The following ADGRG7 variants were observed in gnomAD, a reference collection of about 807,000 sequenced individuals.
ADGRG7 encodes the protein G-protein coupled receptor 128.
Under a neutral mutation model 88.6 loss-of-function variants are expected in ADGRG7, and 82 were observed. The observed-to-expected ratio is 0.93, with a 90% CI of 0.77 to 1.11. The LOEUF is 1.11. Among genes scored for constraint, ADGRG7 ranks in the 50% most tolerant of loss-of-function variants. The probability of loss-of-function intolerance (pLI) is 0.00; values close to 1 mark genes in which losing one functional copy is unlikely to be tolerated. For synonymous variants in ADGRG7, 381 were observed against 345.2 expected (o/e 1.10, Z -1.15); for missense variants, 945 against 953.4 (o/e 0.99, Z 0.12).
intron 8 of ADGRG7, 48 bp downstream of exon 8, chr3:100,643,681 G>A (rs1346462787): frequency 8.2e-7 from 1 of 1,220,052 alleles, no homozygotes; most frequent in African/African-American, 1.5e-5. Context: ...TCGAATTCAT[G>A]GAACTAATAA....
At chr3:100,656,483 C>A (rs1041910418) in intron 13 of ADGRG7, among the ~76,000 whole-genome samples, 2 of 152,174 alleles carry the variant, frequency 1.3e-5, no homozygotes, top group African/African-American at 4.8e-5. Flanking sequence ...GATGATTTAT[C>A]ATACATAACA....
intron 15 of ADGRG7, among the ~76,000 whole-genome samples, chr3:100,684,409 A>C (rs1056239469): frequency 3.3e-5 from 5 of 151,992 alleles, no homozygotes; most frequent in Non-Finnish European, 7.4e-5. Flanking sequence ...GACTACAGGC[A>C]CGTGGCACCA....
intron 15 of ADGRG7, among the ~76,000 whole-genome samples, chr3:100,688,588 A>G (rs142494582): frequency 0.059 from 8,998 of 152,044 alleles, 503 homozygotes; most frequent in East Asian, 0.24. Flanking sequence ...CTTTGTTCTT[A>G]TTGGCTTCAA....
chr3:100,634,300 C>A (rs1049298130), intron 4 of ADGRG7, among the ~76,000 whole-genome samples: 4 of 152,166 alleles, frequency 2.6e-5, no homozygotes, highest in African/African-American at 9.7e-5. Flanking sequence ...CCTTATAAAA[C>A]TTCTGTGAGT....
At chr3:100,664,705 C>T (rs1291548458) in intron 14 of ADGRG7, among the ~76,000 whole-genome samples, 1 of 152,150 alleles carries the variant, frequency 6.6e-6, no homozygotes, top group African/African-American at 2.4e-5. Flanking sequence ...CAAAAGGAGG[C>T]AACTGTTGTC....
Position 100,631,663 on chromosome 3 carries a change from G to A in ADGRG7, c.334+854G>A, listed in dbSNP as rs370372107. 4.2e-4 allele frequency among the ~76,000 whole-genome samples: 64 copies of A among 152,218 alleles called. 2 individuals are homozygous for A. In the East Asian group the frequency reaches 4.8e-3, roughly 11 times the overall value. Reference sequence around the variant, plus strand: ...AAAGATGTTTGATAAAACTACTGCCGGCAATGGCCCTGAAGAGAATGTGAC... The same window carrying A: ...AAAGATGTTTGATAAAACTACTGCCAGCAATGGCCCTGAAGAGAATGTGAC... On this transcript the variant is annotated intron_variant, in intron 3 of 15. Coordinates refer to ENST00000273352, the MANE Select transcript of ADGRG7 (RefSeq NM_032787.3).
intron 15 of ADGRG7, among the ~76,000 whole-genome samples, chr3:100,685,964 T>G (rs904804414): frequency 6.6e-6 from 1 of 150,708 alleles, no homozygotes; most frequent in African/African-American, 2.4e-5. Flanking sequence ...ACTTCCACAA[T>G]GGTTGAACTA....
chr3:100,688,899 G>A (rs188464719), intron 15 of ADGRG7, among the ~76,000 whole-genome samples: 55 of 152,270 alleles, frequency 3.6e-4, no homozygotes, highest in African/African-American at 1.3e-3. Context: ...AGGTCCACTT[G>A]GTGCAGAGCC....
intron 1 of ADGRG7, among the ~76,000 whole-genome samples, chr3:100,623,946 A>ATCAT (rs1320132901): frequency 6.6e-6 from 1 of 152,108 alleles, no homozygotes; most frequent in Non-Finnish European, 1.5e-5. Flanking sequence ...TATCCAGTCT[A>ATCAT]TCATTGATGG....
chr3:100,633,694 G>A (rs1371057544), intron 4 of ADGRG7, among the ~76,000 whole-genome samples: 2 of 152,008 alleles, frequency 1.3e-5, no homozygotes, highest in African/African-American at 2.4e-5. Context: ...ACTAATTTTT[G>A]TATTTTTAAT....
intron 11 of ADGRG7, chr3:100,654,607 A>G: frequency 2.4e-6 from 1 of 418,620 alleles, no homozygotes; most frequent in East Asian, 4.2e-5. Context: ...TCAAGAAAAG[A>G]TATGTCAACC....
intron 1 of ADGRG7, among the ~76,000 whole-genome samples, chr3:100,625,645 T>C (rs1707370664): frequency 6.6e-6 from 1 of 152,222 alleles, no homozygotes; most frequent in East Asian, 1.9e-4. Flanking sequence ...GCCCATTCAG[T>C]ACGATATTGG....
Position 100,620,529 on chromosome 3 carries a change from A to T in ADGRG7, c.116-9069A>T, listed in dbSNP as rs902268425. Among the ~76,000 whole-genome samples the T allele has an allele frequency of 2.0e-5, 3 of 152,350 alleles. No homozygotes were observed. In the South Asian group the frequency reaches 6.2e-4, roughly 32 times the overall value. ...AGGGATGCCCTGTGTCACCACTCCTATTCAACATAGTGTTGGAAGTTCTGG... is the reference window on the plus strand; with the variant it reads ...AGGGATGCCCTGTGTCACCACTCCTTTTCAACATAGTGTTGGAAGTTCTGG... On this transcript the variant is annotated intron_variant, in intron 1 of 15. Transcript: ENST00000273352.
At chr3:100,617,921 A>C (rs1472558014) in intron 1 of ADGRG7, among the ~76,000 whole-genome samples, 1 of 150,552 alleles carries the variant, frequency 6.6e-6, no homozygotes, top group Non-Finnish European at 1.5e-5. Flanking sequence ...CTGGTGTGAG[A>C]ATGGTATCTC....
intron 14 of ADGRG7, chr3:100,664,987 T>C: frequency 2.5e-6 from 1 of 395,924 alleles, no homozygotes; most frequent in South Asian, 2.0e-5. Context: ...CAAATAAGTA[T>C]TTATGTCTGG....
chr3:100,615,987 C>G (rs1190363836), intron 1 of ADGRG7, among the ~76,000 whole-genome samples: 3 of 152,100 alleles, frequency 2.0e-5, no homozygotes, highest in Non-Finnish European at 1.5e-5. Context: ...ACACTATCAT[C>G]TGTTCAGAGC....
chr3:100,620,949 T>A (rs753650873), intron 1 of ADGRG7, among the ~76,000 whole-genome samples: 9 of 152,174 alleles, frequency 5.9e-5, no homozygotes, highest in Non-Finnish European at 1.0e-4. Flanking sequence ...CACATTTTGG[T>A]AATTCTCACA....
intron 15 of ADGRG7, among the ~76,000 whole-genome samples, chr3:100,689,344 G>A (rs1271631797): frequency 6.6e-6 from 1 of 152,172 alleles, no homozygotes; most frequent in Non-Finnish European, 1.5e-5. Flanking sequence ...TTGCCAGTCT[G>A]TGTCTTTTAA....
rs745306733 is a variant in ADGRG7, at chr3:100,649,768, C to A, written c.1340C>A (p.Thr447Asn). The change falls in exon 11 of 16, where the codon ACT (threonine) becomes AAT (asparagine). Residue 447 changes from threonine to asparagine, a missense_variant. Coordinates refer to ENST00000273352, the MANE Select transcript of ADGRG7 (RefSeq NM_032787.3). ...AACGTTGGATGTGCACTGTCTGTTACTGGTCTGGCTCTCACAGTTATATTT... is the reference window on the plus strand; with the variant it reads ...AACGTTGGATGTGCACTGTCTGTTAATGGTCTGGCTCTCACAGTTATATTT... ...LSNVGCALSVTGLALTVIFQI... is the reference protein window; with the variant it reads ...LSNVGCALSVNGLALTVIFQI... The A allele has an allele frequency of 6.2e-7, 1 of 1,609,704 alleles. No individual in the cohort carries two copies. Among genetic ancestry groups the A allele is most frequent in the South Asian group, 1.1e-5 (1 of 90,652 alleles).
Sources: allele counts gnomAD v4.1 joint callset (sites outside exome capture counted in the v4.1 genomes callset), GRCh38; gene constraint gnomAD v4.1.1; transcripts MANE v1.5; gene names NCBI Gene and HGNC (gene_info 2026-07-23, HGNC 2026-07-21).